Variants in LCLAT1 observed in about 807,000 individuals in gnomAD.
LCLAT1 encodes the protein 1-AGP acyltransferase 8.
LCLAT1 carries 11 observed loss-of-function variants against 30.7 expected under a neutral mutation model. That is an observed-to-expected ratio of 0.36 (90% CI 0.23 to 0.59). The LOEUF (loss-of-function observed/expected upper bound fraction) is 0.59, where lower values mean the gene tolerates loss of function less well. Ranked by LOEUF, LCLAT1 falls within the 20% of genes least tolerant of loss-of-function variation. The probability of loss-of-function intolerance (pLI) is 0.77; values close to 1 mark genes in which losing one functional copy is unlikely to be tolerated. For missense variants in LCLAT1, 402 were observed against 458.6 expected (o/e 0.88, Z 1.13); for synonymous variants, 155 against 151.3 (o/e 1.02, Z -0.18).
intron 3 of LCLAT1, among the ~76,000 whole-genome samples, chr2:30,552,983 C>T (rs1377263106): frequency 2.0e-5 from 3 of 152,100 alleles, no homozygotes; most frequent in Admixed American, 6.5e-5. Flanking sequence ...TTCTTCCGCC[C>T]TGCTTTTTCT....
intron 3 of LCLAT1, among the ~76,000 whole-genome samples, chr2:30,534,764 A>G (rs915258451): frequency 1.3e-5 from 2 of 152,152 alleles, no homozygotes; most frequent in African/African-American, 4.8e-5. Flanking sequence ...TATCACTCCT[A>G]TCATATGTTA....
In LCLAT1 at chr2:30,644,123, T is replaced by C. The variant is rs1026838200; in HGVS notation, c.*3504T>C. 1 of 152,238 alleles carries C rather than the reference T, an allele frequency of 6.6e-6. No homozygotes were observed. Among genetic ancestry groups the C allele is most frequent in the African/African-American group, 2.4e-5 (1 of 41,456 alleles). The allele number at this position is 152,238 out of a possible 1,614,324, so 9.4% of individuals were successfully genotyped here. A position where few individuals can be genotyped will look rare whatever the true frequency, so the allele number is the denominator to read the frequency against. On this transcript the variant is annotated 3_prime_UTR_variant, in exon 6 of 6. Coordinates refer to ENST00000379509, the MANE Select transcript of LCLAT1 (RefSeq NM_001002257.3). Reference sequence around the variant, plus strand: ...TGTGCAAAACACCAAGTTTTAAAAATAACTCACAGAATGGCCTTAGTTTTC... The same window carrying C: ...TGTGCAAAACACCAAGTTTTAAAAACAACTCACAGAATGGCCTTAGTTTTC...
chr2:30,521,047 T>TA (rs1480940711), intron 1 of LCLAT1, among the ~76,000 whole-genome samples: 1 of 152,106 alleles, frequency 6.6e-6, no homozygotes, highest in Admixed American at 6.5e-5. Flanking sequence ...ACCTTGCTGA[T>TA]AAAACAGGTT....
At chr2:30,470,462 T>C (rs529513555) in intron 1 of LCLAT1, among the ~76,000 whole-genome samples, 3 of 152,334 alleles carry the variant, frequency 2.0e-5, no homozygotes, top group African/African-American at 7.2e-5. Flanking sequence ...AGGAGGGGGT[T>C]AGTTTTGGGA....
intron 1 of LCLAT1, among the ~76,000 whole-genome samples, chr2:30,499,175 TTTG>T (rs1373658073): frequency 3.3e-5 from 5 of 151,858 alleles, no homozygotes; most frequent in South Asian, 4.2e-4. Flanking sequence ...GCAGCTGTGT[TTTG>T]TTGTTGTTGT....
intron 1 of LCLAT1, among the ~76,000 whole-genome samples, chr2:30,509,153 T>G (rs911312875): frequency 6.6e-6 from 1 of 152,214 alleles, no homozygotes; most frequent in Non-Finnish European, 1.5e-5. Flanking sequence ...GTTTATCAGC[T>G]TAAGGAGTTT....
At chr2:30,512,396 C>A (rs978504060) in intron 1 of LCLAT1, among the ~76,000 whole-genome samples, 1 of 152,132 alleles carries the variant, frequency 6.6e-6, no homozygotes, top group African/African-American at 2.4e-5. Flanking sequence ...GCTCTCCATT[C>A]TTTTCTTTTG....
intron 1 of LCLAT1, among the ~76,000 whole-genome samples, chr2:30,504,486 C>A (rs1224225665): frequency 2.0e-5 from 3 of 151,648 alleles, no homozygotes; most frequent in Admixed American, 1.3e-4. Flanking sequence ...TTTTATCATT[C>A]CTATCTCAAT....
intron 5 of LCLAT1, among the ~76,000 whole-genome samples, chr2:30,610,837 A>C (rs545588903): frequency 1.3e-5 from 2 of 152,204 alleles, no homozygotes; most frequent in Admixed American, 1.3e-4. Context: ...ATATATTCTG[A>C]ATTAAGGGTC....
intron 5 of LCLAT1, among the ~76,000 whole-genome samples, chr2:30,635,798 ATTG>A (rs1244647376): frequency 2.0e-5 from 3 of 152,218 alleles, no homozygotes; most frequent in Admixed American, 6.5e-5. Context: ...AGTTCACCAA[ATTG>A]TTAACACAAC....
rs1035761856 is a variant in LCLAT1 at position 30,467,039 on chromosome 2, G to A, written c.-5+19656G>A. ...TGTGCCATGTTGGTGTGCTGCACTCGTTAACTCGTCATTTACATTAGGTAT... is the reference window on the plus strand; with the variant it reads ...TGTGCCATGTTGGTGTGCTGCACTCATTAACTCGTCATTTACATTAGGTAT... On this transcript the variant is annotated intron_variant, in intron 1 of 5. Coordinates refer to ENST00000379509, the MANE Select transcript of LCLAT1 (RefSeq NM_001002257.3). Among the ~76,000 whole-genome samples, 26 of 152,144 alleles carry A rather than the reference G, an allele frequency of 1.7e-4. No individual in the cohort carries two copies. In the South Asian group the frequency reaches 1.9e-3, roughly 11 times the overall value.
chr2:30,627,890 G>A (rs140374865), intron 5 of LCLAT1, among the ~76,000 whole-genome samples: 1 of 152,202 alleles, frequency 6.6e-6, no homozygotes, highest in Non-Finnish European at 1.5e-5. Context: ...CATCTTATAT[G>A]CTAAAGATCT....
intron 3 of LCLAT1, among the ~76,000 whole-genome samples, chr2:30,537,542 A>ACACACACACG (rs1476893623): frequency 1.8e-4 from 27 of 151,798 alleles, no homozygotes; most frequent in South Asian, 6.3e-4. Flanking sequence ...ACACACACAC[A>ACACACACACG]CACGCACGCA....
intron 5 of LCLAT1, among the ~76,000 whole-genome samples, chr2:30,611,188 T>A (rs1667721234): frequency 6.6e-6 from 1 of 152,058 alleles, no homozygotes. Context: ...TCTTTCCTGC[T>A]TCATTATATA....
At chr2:30,592,494 G>GAGAT (rs1666741091) in intron 5 of LCLAT1, among the ~76,000 whole-genome samples, 2 of 152,058 alleles carry the variant, frequency 1.3e-5, no homozygotes, top group South Asian at 4.1e-4. Context: ...AAGAAAAAAA[G>GAGAT]AGATATATTA....
rs116521902 is a variant in LCLAT1 at position 30,612,729 on chromosome 2, G to A, written c.629-27388G>A. Reference sequence around the variant, plus strand: ...TCATTAATCACAATTACTTTCCAGCGACAGTCTCTCATAATGCACCTTTCT... The same window carrying A: ...TCATTAATCACAATTACTTTCCAGCAACAGTCTCTCATAATGCACCTTTCT... On this transcript the variant is annotated intron_variant, in intron 5 of 5. Coordinates refer to ENST00000379509, the MANE Select transcript of LCLAT1 (RefSeq NM_001002257.3). 7.4e-3 allele frequency among the ~76,000 whole-genome samples: 1,132 copies of A among 152,160 alleles called. 18 individuals are homozygous for A. The highest frequency in any genetic ancestry group is 0.026 in the African/African-American group (1,068 of 41,512).
At chr2:30,549,122 T>A (rs556592381) in intron 3 of LCLAT1, among the ~76,000 whole-genome samples, 1 of 152,356 alleles carries the variant, frequency 6.6e-6, no homozygotes, top group Admixed American at 6.5e-5. Flanking sequence ...GTTTTGAATG[T>A]GTTATCTGAC....
At chr2:30,557,272 G>A (rs952476478) in intron 3 of LCLAT1, among the ~76,000 whole-genome samples, 2 of 147,628 alleles carry the variant, frequency 1.4e-5, no homozygotes, top group Non-Finnish European at 3.0e-5. Context: ...GGACAGTGTA[G>A]AAGGTATGAT....
chr2:30,512,482 G>A (rs142840752), intron 1 of LCLAT1, among the ~76,000 whole-genome samples: 2 of 152,054 alleles, frequency 1.3e-5, no homozygotes, highest in Non-Finnish European at 2.9e-5. Context: ...GGAAGCCCTC[G>A]AAGGAGATAA....
Sources: gnomAD v4.1 joint callset for allele counts (sites outside exome capture counted in the v4.1 genomes callset) on GRCh38, gnomAD v4.1.1 for gene constraint, MANE v1.5 for transcripts, NCBI Gene and HGNC (gene_info 2026-07-23, HGNC 2026-07-21) for gene names.